Variants in NRG1 observed in about 807,000 individuals in gnomAD.
The protein encoded by NRG1 is pro-neuregulin-1, membrane-bound isoform.
In NRG1, 18 loss-of-function variants were observed where a neutral mutation model predicts 63.8. The ratio of observed to expected loss-of-function variants is 0.28; its 90% CI spans 0.19 to 0.42. NRG1 has a LOEUF of 0.42. Among genes scored for constraint, NRG1 ranks in the 10% least tolerant of loss-of-function variants. NRG1 has a pLI of 1.00. For synonymous variants in NRG1, 302 were observed against 301.3 expected, an observed-to-expected ratio of 1.00 and a Z score of -0.02; for missense variants, 762 against 814.7, an observed-to-expected ratio of 0.94 and a Z score of 0.79.
At chr8:32,381,164 G>T (rs1043815778) in intron 1 of NRG1, among the ~76,000 whole-genome samples, 1 of 152,094 alleles carries the variant, frequency 6.6e-6, no homozygotes, top group African/African-American at 2.4e-5. Flanking sequence ...GGTCTCTTTC[G>T]ATTTCTTAAA....
chr8:32,094,232 G>A (rs904406079), intron 1 of NRG1, among the ~76,000 whole-genome samples: 5 of 152,228 alleles, frequency 3.3e-5, no homozygotes, highest in Non-Finnish European at 4.4e-5. Flanking sequence ...CATTGCTTAC[G>A]TAGCCCCTGA....
chr8:32,254,356 C>T (rs1849449789), intron 1 of NRG1, among the ~76,000 whole-genome samples: 1 of 152,168 alleles, frequency 6.6e-6, no homozygotes, highest in African/African-American at 2.4e-5. Context: ...TTAGCTGTGT[C>T]CCAGATATTC....
At chr8:32,208,866 T>A (rs972689995) in intron 1 of NRG1, among the ~76,000 whole-genome samples, 1 of 152,180 alleles carries the variant, frequency 6.6e-6, no homozygotes, top group Non-Finnish European at 1.5e-5. Context: ...TAAGTAATGA[T>A]CTATATGAAA....
chr8:31,839,472 T>C (rs1389687769), intron 1 of NRG1, among the ~76,000 whole-genome samples: 1 of 152,186 alleles, frequency 6.6e-6, no homozygotes, highest in African/African-American at 2.4e-5. Flanking sequence ...AGTTGTTTTA[T>C]GGTGGAATGC....
At chr8:32,708,726 A>G (rs1490402598) in intron 5 of NRG1, among the ~76,000 whole-genome samples, 1 of 152,236 alleles carries the variant, frequency 6.6e-6, no homozygotes, top group Non-Finnish European at 1.5e-5. Context: ...TCACACAATA[A>G]TTCTTTCCTT....
chr8:32,661,624 CTT>C lies in NRG1; in HGVS notation c.502+44751_502+44752del, dbSNP rs35618717. On this transcript the variant is annotated intron_variant, in intron 5 of 11. Transcript: ENST00000356819. ...AACAGGAATGCCACTTCATTTAGGG[CTT>C]TTTTTTTTTTTCAATATCCCATGCT... 8.1e-5 allele frequency among the ~76,000 whole-genome samples: 11 copies of C among 136,588 alleles called. No individual in the cohort carries two copies. The East Asian group carries it at 8.1e-4, about 10-fold the overall frequency. 89.6% of individuals were successfully genotyped at this position (136,588 alleles called of 152,430 possible). A position where few individuals can be genotyped will look rare whatever the true frequency, so the allele number is the denominator to read the frequency against.
At chr8:32,571,553 C>A (rs539526920) in intron 1 of NRG1, among the ~76,000 whole-genome samples, 1 of 152,102 alleles carries the variant, frequency 6.6e-6, no homozygotes, top group Non-Finnish European at 1.5e-5. Context: ...ATTTTAGATT[C>A]TTTTGCCTTC....
At chr8:32,416,007 A>G (rs1322272278) in intron 1 of NRG1, among the ~76,000 whole-genome samples, 1 of 152,330 alleles carries the variant, frequency 6.6e-6, no homozygotes, top group Middle Eastern at 3.4e-3. Flanking sequence ...CACTGCAGAC[A>G]CTTTCGTGAG....
chr8:32,763,686 C>T, intron 11 of NRG1, 62 bp from the exon 12 acceptor site: 1 of 1,461,408 alleles, frequency 6.8e-7, no homozygotes, highest in Non-Finnish European at 9.2e-7. Context: ...TGTCCCCTTA[C>T]CTTCCCTGCT....
chr8:32,349,005 G>A (rs978467277), intron 1 of NRG1, among the ~76,000 whole-genome samples: 1 of 152,190 alleles, frequency 6.6e-6, no homozygotes, highest in Non-Finnish European at 1.5e-5. Context: ...TTGGATAAAT[G>A]ACTTTATGAG....
intron 1 of NRG1, among the ~76,000 whole-genome samples, chr8:32,564,777 A>G (rs544161079): frequency 2.0e-5 from 3 of 152,206 alleles, no homozygotes; most frequent in East Asian, 1.9e-4. Context: ...ATTTTGTCCT[A>G]TGGCTGGGCG....
chr8:31,688,116 C>T (rs1446518447), intron 1 of NRG1, among the ~76,000 whole-genome samples: 6 of 152,216 alleles, frequency 3.9e-5, no homozygotes, highest in Admixed American at 3.9e-4. Flanking sequence ...TACAATTAGA[C>T]ACCAATCTGT....
At chr8:32,455,896 G>GC (rs1821531534) in intron 1 of NRG1, among the ~76,000 whole-genome samples, 1 of 152,270 alleles carries the variant, frequency 6.6e-6, no homozygotes, top group African/African-American at 2.4e-5. Context: ...GCAATTTCAT[G>GC]CTCAGCCTCT....
intron 1 of NRG1, among the ~76,000 whole-genome samples, chr8:31,729,388 T>C (rs1813789375): frequency 1.3e-5 from 2 of 152,104 alleles, no homozygotes; most frequent in Admixed American, 6.6e-5. Flanking sequence ...GAAGAAAGTG[T>C]AATTTGGAAA....
intron 1 of NRG1, among the ~76,000 whole-genome samples, chr8:32,451,474 G>A (rs551735496): frequency 5.2e-4 from 79 of 152,266 alleles, no homozygotes; most frequent in African/African-American, 1.9e-3. Flanking sequence ...CCCGGGGAGG[G>A]GGATTCTTCC....
chr8:32,760,195 C>A lies in NRG1; in HGVS notation c.1053-5C>A, dbSNP rs79223941. 6.2e-7 allele frequency: 1 copy of A among 1,613,704 alleles called. No individual in the cohort carries two copies. On this transcript the variant is annotated splice_region_variant and splice_polypyrimidine_tract_variant and intron_variant, in intron 10 of 11. Coordinates refer to ENST00000356819, the Ensembl canonical transcript of NRG1. ...ATCTGATTGTCTCTCCCATTTCCTC[C>A]GCAGCTGGAGCAACGGACACACTGA...
intron 1 of NRG1, among the ~76,000 whole-genome samples, chr8:31,783,968 AC>A (rs1194634555): frequency 6.6e-6 from 1 of 152,170 alleles, no homozygotes; most frequent in Non-Finnish European, 1.5e-5. Context: ...TTCGGATGGT[AC>A]TATAAGTTTT....
chr8:32,669,259 C>T (rs1261547395), intron 5 of NRG1, among the ~76,000 whole-genome samples: 2 of 152,162 alleles, frequency 1.3e-5, no homozygotes, highest in East Asian at 1.9e-4. Context: ...ATGTATACCT[C>T]ATGATCATTT....
chr8:32,473,564 A>G (rs1485988538), intron 1 of NRG1, among the ~76,000 whole-genome samples: 1 of 152,200 alleles, frequency 6.6e-6, no homozygotes. Context: ...TAGACCAAAT[A>G]TACCTAATTG....
Sources: gnomAD v4.1 joint callset for allele counts (sites outside exome capture counted in the v4.1 genomes callset) on GRCh38, gnomAD v4.1.1 for gene constraint, MANE v1.5 for transcripts, NCBI Gene and HGNC (gene_info 2026-07-23, HGNC 2026-07-21) for gene names.